Variants in TENM2 observed in about 807,000 individuals in gnomAD.
The protein encoded by TENM2 is teneurin transmembrane protein 2.
In TENM2, 52 loss-of-function variants were observed where a neutral mutation model predicts 245.2. That is an observed-to-expected ratio of 0.21 (90% CI 0.17 to 0.27). TENM2 has a LOEUF of 0.27. Ranked by LOEUF, TENM2 falls within the 10% of genes least tolerant of loss-of-function variation. TENM2 has a pLI of 1.00. For synonymous variants in TENM2, 1,363 were observed against 1,438.9 expected, an observed-to-expected ratio of 0.95 and a Z score of 1.19; for missense variants, 3,046 against 3,666.8, an observed-to-expected ratio of 0.83 and a Z score of 4.37.
intron 2 of TENM2, among the ~76,000 whole-genome samples, chr5:167,494,016 A>T (rs1041661015): frequency 1.3e-5 from 2 of 152,158 alleles, no homozygotes; most frequent in Non-Finnish European, 2.9e-5. Context: ...AGATGGAATC[A>T]TTAAGGTAGC....
At chr5:167,835,678 A>G (rs572652397) in intron 2 of TENM2, among the ~76,000 whole-genome samples, 8 of 152,330 alleles carry the variant, frequency 5.3e-5, no homozygotes, top group African/African-American at 1.9e-4. Context: ...AATGCTGACT[A>G]TATTCCTAGG....
At chr5:167,255,163 C>A in the TENM2 span, among the ~76,000 whole-genome samples, 1 of 149,572 alleles carries the variant, frequency 6.7e-6, no homozygotes, top group South Asian at 2.1e-4. Context: ...AAAACTTAGT[C>A]CCTAATTCTG....
intron 2 of TENM2, among the ~76,000 whole-genome samples, chr5:167,458,674 C>G (rs1766087006): frequency 1.3e-5 from 2 of 151,994 alleles, no homozygotes; most frequent in African/African-American, 4.8e-5. Context: ...TAACAAAATA[C>G]AACACTAACA....
intron 4 of TENM2, among the ~76,000 whole-genome samples, chr5:167,974,812 G>C (rs117070330): frequency 2.0e-5 from 3 of 152,106 alleles, no homozygotes; most frequent in African/African-American, 7.2e-5. Flanking sequence ...CAACCTGACC[G>C]ACTGTGACCC....
chr5:167,401,984 C>A (rs963383487), intron 2 of TENM2, among the ~76,000 whole-genome samples: 1 of 152,110 alleles, frequency 6.6e-6, no homozygotes, highest in Non-Finnish European at 1.5e-5. Context: ...GCCCTTCCCT[C>A]CTTTACTTTG....
At chr5:167,459,911 A>ACAC (rs1766177915) in intron 2 of TENM2, among the ~76,000 whole-genome samples, 1 of 149,576 alleles carries the variant, frequency 6.7e-6, no homozygotes, top group African/African-American at 2.5e-5. Flanking sequence ...TATAAAGATA[A>ACAC]ACACACACAC....
rs549496209 is a variant in TENM2 at position 167,389,606 on chromosome 5, G to GTGAT, written c.502+14134_502+14137dup. ...TATTTTAGTTGCAGTAAAGAGCAAT[G>GTGAT]TGATGGATAAAATCCTTATAGCTAC... On this transcript the variant is annotated intron_variant, in intron 2 of 28. Transcript: ENST00000518659. Among the ~76,000 whole-genome samples, 14 of 152,232 alleles carry GTGAT rather than the reference G, an allele frequency of 9.2e-5. No individual in the cohort carries two copies. In the South Asian group the frequency reaches 2.5e-3, roughly 27 times the overall value.
chr5:168,247,154 T>C lies in TENM2; in HGVS notation c.6215T>C (p.Val2072Ala). 1 of 1,613,804 alleles carries C rather than the reference T, an allele frequency of 6.2e-7. No homozygotes were observed. The highest frequency in any genetic ancestry group is 8.5e-7 in the Non-Finnish European group (1 of 1,179,866). Residue 2072 changes from valine to alanine, a missense_variant, in exon 27 of 29, where the codon GTG (valine) becomes GCG (alanine). This residue lies in a region of TENM2 where 2,704 missense variants were observed against 3,331.9 expected (regional missense o/e 0.81). Transcript: ENST00000518659. This position sits in a 1 kb window ranked among gnomAD's most constrained non-coding sequence, Gnocchi z 7.8. ...AGGTACCGGAAGATTGGCCCCCTGG[T>C]GGACAAGCAGATCTACAGGTTCTCC... is the stretch of plus-strand genomic sequence containing the variant.
intron 19 of TENM2, 42 bp downstream of exon 21, chr5:168,204,663 C>T (rs780261839): frequency 3.1e-6 from 5 of 1,599,904 alleles, no homozygotes; most frequent in Non-Finnish European, 3.4e-6. Flanking sequence ...TCTCTTGCCC[C>T]CCATAACTCC....
At chr5:167,171,316 G>A in the TENM2 span, among the ~76,000 whole-genome samples, 1 of 152,138 alleles carries the variant, frequency 6.6e-6, no homozygotes, top group South Asian at 2.1e-4. Context: ...AGAACCTTGA[G>A]TTGCCATTTT....
chr5:167,184,292 T>C, the TENM2 span, among the ~76,000 whole-genome samples: 1 of 152,218 alleles, frequency 6.6e-6, no homozygotes, highest in Admixed American at 6.5e-5. Context: ...TTTTGCCTGA[T>C]TGCAGCAACG....
At chr5:167,016,263 AAC>A in the TENM2 span, among the ~76,000 whole-genome samples, 1 of 107,986 alleles carries the variant, frequency 9.3e-6, no homozygotes, top group Admixed American at 1.1e-4. Context: ...CAAAAAAAAA[AAC>A]AAACAAACAA....
intron 27 of TENM2, among the ~76,000 whole-genome samples, chr5:168,251,599 T>G (rs1216185062): frequency 1.3e-5 from 2 of 152,230 alleles, no homozygotes; most frequent in Non-Finnish European, 2.9e-5. Context: ...TCTCTGCTGT[T>G]CACATTTGGC....
chr5:168,234,156 T>TG (rs939969896), intron 25 of TENM2, among the ~76,000 whole-genome samples: 1 of 151,434 alleles, frequency 6.6e-6, no homozygotes, highest in Admixed American at 6.6e-5. Context: ...ATTGCGGGGG[T>TG]GGGGGGTGGT....
the TENM2 span, among the ~76,000 whole-genome samples, chr5:167,252,076 G>C: frequency 2.0e-5 from 3 of 152,090 alleles, no homozygotes; most frequent in Admixed American, 6.6e-5. Context: ...GGCCTAGTGT[G>C]ATAAAGTTCT....
chr5:167,920,352 A>G lies in TENM2; in HGVS notation c.713-32236A>G, dbSNP rs866072419. On this transcript the variant is annotated intron_variant, in intron 3 of 28. Coordinates refer to ENST00000518659, the Ensembl canonical transcript of TENM2. ...ACTTAAAAAAAAAAGAAAAAAAAAG[A>G]AAAAAAAAATCAAAAGTTAGCTGGG... 9.4e-3 allele frequency among the ~76,000 whole-genome samples: 1,364 copies of G among 144,910 alleles called. 48 individuals carry two copies. Among genetic ancestry groups the G allele is most frequent in the African/African-American group, 0.033 (1,255 of 37,860 alleles).
chr5:167,422,086 G>T (rs779592453), intron 2 of TENM2, among the ~76,000 whole-genome samples: 1 of 152,070 alleles, frequency 6.6e-6, no homozygotes, highest in Non-Finnish European at 1.5e-5. Context: ...CACCATTCCC[G>T]GCCGGTAGTA....
chr5:167,022,714 C>T, the TENM2 span, among the ~76,000 whole-genome samples: 288 of 152,222 alleles, frequency 1.9e-3, 2 homozygotes, highest in East Asian at 0.03. Flanking sequence ...GCTGGAAATG[C>T]AGCTGCCCCT....
chr5:167,712,397 G>A (rs1422778197), intron 2 of TENM2, among the ~76,000 whole-genome samples: 5 of 152,126 alleles, frequency 3.3e-5, no homozygotes, highest in Admixed American at 6.6e-5. Context: ...GAAAATGTGA[G>A]AAAAACAAAC....
Sources: allele counts gnomAD v4.1 joint callset (sites outside exome capture counted in the v4.1 genomes callset), GRCh38; gene constraint gnomAD v4.1.1; regional missense constraint gnomAD v4.1.1; non-coding constraint Gnocchi (gnomAD v3.1); transcripts MANE v1.5; gene names NCBI Gene and HGNC (gene_info 2026-07-23, HGNC 2026-07-21).